GABRG3: variants seen among roughly 807,000 people sequenced by gnomAD.
The protein encoded by GABRG3 is gamma-aminobutyric acid receptor subunit gamma-3.
In GABRG3, 25 loss-of-function variants were observed where a neutral mutation model predicts 48.8. The ratio of observed to expected loss-of-function variants is 0.51; its 90% confidence interval spans 0.37 to 0.72. The LOEUF is 0.72. Ranked by LOEUF, GABRG3 falls within the 30% of genes least tolerant of loss-of-function variation. GABRG3 has a pLI of 0.00. For missense variants in GABRG3, 394 were observed against 577.9 expected (o/e 0.68, Z 3.26); for synonymous variants, 227 against 217.6 (o/e 1.04, Z -0.38).
intron 5 of GABRG3, among the ~76,000 whole-genome samples, chr15:27,442,948 G>T (rs1041018804): frequency 6.6e-6 from 1 of 152,200 alleles, no homozygotes; most frequent in South Asian, 2.1e-4. Context: ...CATCAGAGCG[G>T]GGACAGGGCC....
chr15:27,397,623 G>A (rs896631639), intron 5 of GABRG3, among the ~76,000 whole-genome samples: 4 of 152,022 alleles, frequency 2.6e-5, no homozygotes, highest in Middle Eastern at 3.4e-3. Context: ...GCCTCTGCTC[G>A]TCTATGGTTT....
rs573127850 is a variant in GABRG3 at position 27,309,491 on chromosome 15, C to CA, written c.271-17312dup. 4.3e-4 allele frequency among the ~76,000 whole-genome samples: 65 copies of CA among 151,888 alleles called. 1 individual carries two copies. In the East Asian group the frequency reaches 0.01, roughly 24 times the overall value. ...TGAACTTTGACTTAAATACCTTAAACAAAAAACTTGGTAAAAGGCATGAAC... is the reference window on the plus strand; with the variant it reads ...TGAACTTTGACTTAAATACCTTAAACAAAAAAACTTGGTAAAAGGCATGAAC... On this transcript the variant is annotated intron_variant, in intron 3 of 9. Coordinates refer to ENST00000615808, the MANE Select transcript of GABRG3 (RefSeq NM_033223.5).
chr15:27,353,865 C>G (rs1400312875), intron 5 of GABRG3, among the ~76,000 whole-genome samples: 1 of 152,192 alleles, frequency 6.6e-6, no homozygotes, highest in African/African-American at 2.4e-5. Flanking sequence ...TCCATTTTCT[C>G]TGAGATGCTG....
intron 3 of GABRG3, among the ~76,000 whole-genome samples, chr15:27,264,550 A>G (rs1453259482): frequency 6.6e-6 from 1 of 151,990 alleles, no homozygotes; most frequent in Non-Finnish European, 1.5e-5. Context: ...AGCTCCCAGC[A>G]CATCAACACC....
intron 3 of GABRG3, among the ~76,000 whole-genome samples, chr15:27,187,346 T>C (rs965850586): frequency 1.3e-5 from 2 of 152,150 alleles, no homozygotes; most frequent in African/African-American, 4.8e-5. Context: ...TAGTTTAAAG[T>C]TGGGTAATGT....
intron 3 of GABRG3, among the ~76,000 whole-genome samples, chr15:27,300,175 A>C (rs553132287): frequency 1.0e-3 from 156 of 152,296 alleles, no homozygotes; most frequent in Admixed American, 3.0e-3. Flanking sequence ...CGAAAATATC[A>C]ACATTTTCTA....
At chr15:27,167,298 C>T (rs1887409048) in intron 3 of GABRG3, among the ~76,000 whole-genome samples, 1 of 152,196 alleles carries the variant, frequency 6.6e-6, no homozygotes, top group African/African-American at 2.4e-5. Context: ...TCCTTTAGAG[C>T]ACTTGGCCAT....
At chr15:27,016,829 T>A (rs528978551) in intron 2 of GABRG3, among the ~76,000 whole-genome samples, 1 of 152,288 alleles carries the variant, frequency 6.6e-6, no homozygotes, top group South Asian at 2.1e-4. Flanking sequence ...TAAAAAGTCC[T>A]GTTCTTAAAT....
chr15:27,101,068 AG>A (rs1897347794), intron 3 of GABRG3, among the ~76,000 whole-genome samples: 1 of 152,252 alleles, frequency 6.6e-6, no homozygotes, highest in African/African-American at 2.4e-5. Flanking sequence ...GAAAGTCACA[AG>A]GAATCTACCA....
intron 3 of GABRG3, among the ~76,000 whole-genome samples, chr15:27,027,432 C>A (rs1566913099): frequency 2.6e-5 from 4 of 152,182 alleles, no homozygotes; most frequent in Admixed American, 6.5e-5. Context: ...AGGAGCTCCC[C>A]CCGCCTGCGG....
chr15:27,468,576 TC>T (rs1427477329), intron 5 of GABRG3, among the ~76,000 whole-genome samples: 4 of 152,222 alleles, frequency 2.6e-5, no homozygotes, highest in African/African-American at 4.8e-5. Flanking sequence ...TATTGCAAGT[TC>T]CCTTTTGCTC....
At chr15:27,245,121 A>G (rs1242890902) in intron 3 of GABRG3, among the ~76,000 whole-genome samples, 1 of 152,178 alleles carries the variant, frequency 6.6e-6, no homozygotes, top group Non-Finnish European at 1.5e-5. Context: ...GATGGAGCCC[A>G]GTCCCACAGA....
At position 26,977,079 on chromosome 15, in the gene GABRG3, AC is replaced by A; in HGVS notation, c.132del (p.Asp44GlufsTer4). On this transcript the variant is annotated frameshift_variant, in exon 2 of 10. Transcript: ENST00000615808. LOFTEE classifies it high-confidence loss of function. The part of the protein sequence containing the change: ...QKWVLAPKSQ[D>X]TDVTLILNKL... ...TGGGTCTTGGCTCCAAAATCCCAAG[AC>A]ACCGACGTGACTCTTATTCTCAACA... is the stretch of plus-strand genomic sequence containing the variant. 6.2e-7 allele frequency: 1 copy of A among 1,613,346 alleles called. No homozygotes were observed. The highest frequency in any genetic ancestry group is 8.5e-7 in the Non-Finnish European group (1 of 1,179,280).
intron 3 of GABRG3, among the ~76,000 whole-genome samples, chr15:27,130,724 C>T (rs1030499367): frequency 1.3e-5 from 2 of 152,040 alleles, no homozygotes; most frequent in Non-Finnish European, 2.9e-5. Context: ...TCAGCATACA[C>T]GTCTGTTGTC....
chr15:27,262,538 G>A (rs1367467163), intron 3 of GABRG3, among the ~76,000 whole-genome samples: 1 of 152,158 alleles, frequency 6.6e-6, no homozygotes, highest in Non-Finnish European at 1.5e-5. Flanking sequence ...TCTGAGTATT[G>A]AGGAAGCTCA....
chr15:27,046,364 A>G (rs1349210525), intron 3 of GABRG3, among the ~76,000 whole-genome samples: 1 of 151,812 alleles, frequency 6.6e-6, no homozygotes, highest in Non-Finnish European at 1.5e-5. Context: ...TCGGTCTCCC[A>G]AAGTGCTGGG....
At chr15:27,092,132 C>T (rs1305931056) in intron 3 of GABRG3, among the ~76,000 whole-genome samples, 1 of 152,152 alleles carries the variant, frequency 6.6e-6, no homozygotes, top group African/African-American at 2.4e-5. Flanking sequence ...TCCTCTCTCA[C>T]CTGGCCCTCT....
chr15:27,328,304 A>G (rs910913814), intron 4 of GABRG3, among the ~76,000 whole-genome samples: 2 of 152,204 alleles, frequency 1.3e-5, no homozygotes, highest in Non-Finnish European at 1.5e-5. Flanking sequence ...CCCCGTGTAG[A>G]CACTGAAATA....
intron 3 of GABRG3, among the ~76,000 whole-genome samples, chr15:27,067,359 G>A (rs907841859): frequency 5.3e-5 from 8 of 152,168 alleles, no homozygotes; most frequent in African/African-American, 1.9e-4. Context: ...CCATCCACCC[G>A]CACCCTTCTG....
Sources: allele counts gnomAD v4.1 joint callset (sites outside exome capture counted in the v4.1 genomes callset), GRCh38; gene constraint gnomAD v4.1.1; transcripts MANE v1.5; gene names NCBI Gene and HGNC (gene_info 2026-07-23, HGNC 2026-07-21).